GLIS3: variants seen among roughly 807,000 people sequenced by gnomAD.
GLIS3 encodes zinc finger protein GLIS3.
A neutral mutation model predicts 78.6 loss-of-function variants in GLIS3; 53 were observed. The ratio of observed to expected loss-of-function variants is 0.67; its 90% CI spans 0.54 to 0.85. GLIS3 has a LOEUF of 0.85. Ranked by LOEUF, GLIS3 falls within the 40% of genes least tolerant of loss-of-function variation. GLIS3 has a pLI of 0.00. For missense variants in GLIS3, 1,703 were observed against 1,231.1 expected, an observed-to-expected ratio of 1.38 and a Z score of -5.74; for synonymous variants, 684 against 509.9, an observed-to-expected ratio of 1.34 and a Z score of -4.60.
Position 3,824,352 on chromosome 9 carries a change from C to A in GLIS3, c.*3920G>T, listed in dbSNP as rs747590249. The A allele has an allele frequency of 6.6e-6, 1 of 152,546 alleles. No homozygotes were observed. The highest frequency in any genetic ancestry group is 6.5e-5 in the Admixed American group (1 of 15,284). The allele number at this position is 152,546 out of a possible 1,614,324, so 9.4% of individuals were successfully genotyped here. A position where few individuals can be genotyped will look rare whatever the true frequency, so the allele number is the denominator to read the frequency against. On this transcript the variant is annotated 3_prime_UTR_variant, in exon 11 of 11. Transcript: ENST00000381971. ...CATCATCTGCCTTTAATTATAATTA[C>A]CATTCCCAGTATGTAAGAGGCTGAT...
At chr9:4,062,033 G>T (rs879289818) in intron 4 of GLIS3, among the ~76,000 whole-genome samples, 2 of 152,288 alleles carry the variant, frequency 1.3e-5, no homozygotes, top group African/African-American at 4.8e-5. Context: ...ATTTCAGGCT[G>T]TCCCAGCATC....
chr9:3,949,519 G>A (rs957443803), intron 4 of GLIS3, among the ~76,000 whole-genome samples: 2 of 152,134 alleles, frequency 1.3e-5, no homozygotes, highest in Non-Finnish European at 2.9e-5. Flanking sequence ...ATCTTACAGC[G>A]AGATCCCTTT....
At position 3,844,859 on chromosome 9, in the gene GLIS3, C is replaced by T. The variant is rs566082591; in HGVS notation, c.2473+11150G>A. 5.9e-5 allele frequency among the ~76,000 whole-genome samples: 9 copies of T among 152,280 alleles called. No homozygotes were observed. In the East Asian group the frequency reaches 1.3e-3, roughly 23 times the overall value. On this transcript the variant is annotated intron_variant, in intron 9 of 10. Transcript: ENST00000381971. Reference sequence around the variant, plus strand: ...AGCTAAAGGAAAAATTAAAGCAAGTCACCAATCTTTGCTTTACAAATCGGC... The same window carrying T: ...AGCTAAAGGAAAAATTAAAGCAAGTTACCAATCTTTGCTTTACAAATCGGC...
chr9:4,142,557 A>T (rs1421746928), intron 2 of GLIS3, among the ~76,000 whole-genome samples: 1 of 152,240 alleles, frequency 6.6e-6, no homozygotes, highest in African/African-American at 2.4e-5. Context: ...GTAGCAAAAC[A>T]AAAATAACAA....
chr9:4,240,699 A>G (rs938417530), intron 2 of GLIS3, among the ~76,000 whole-genome samples: 5 of 152,228 alleles, frequency 3.3e-5, no homozygotes, highest in South Asian at 4.1e-4. Flanking sequence ...ACAACTATGT[A>G]ACATAGTCCT....
chr9:4,444,809 G>C, the GLIS3 span, among the ~76,000 whole-genome samples: 1 of 152,132 alleles, frequency 6.6e-6, no homozygotes, highest in Non-Finnish European at 1.5e-5. Context: ...TTTCAGACTT[G>C]ATTACAAAAT....
intron 2 of GLIS3, among the ~76,000 whole-genome samples, chr9:4,324,293 T>G (rs1394760199): frequency 6.6e-6 from 1 of 152,232 alleles, no homozygotes; most frequent in East Asian, 1.9e-4. Context: ...GGATGCTGAC[T>G]TTTCCTATAG....
intron 4 of GLIS3, among the ~76,000 whole-genome samples, chr9:4,036,708 A>T (rs1278690268): frequency 6.6e-6 from 1 of 152,120 alleles, no homozygotes; most frequent in African/African-American, 2.4e-5. Flanking sequence ...TTGAACTTTG[A>T]CTCCCAAATT....
At chr9:4,096,393 G>A (rs888756068) in intron 4 of GLIS3, among the ~76,000 whole-genome samples, 3 of 152,142 alleles carry the variant, frequency 2.0e-5, no homozygotes, top group South Asian at 2.1e-4. Flanking sequence ...TAACTCATAC[G>A]AAAAACAAAA....
chr9:3,910,596 C>T (rs1349280985), intron 6 of GLIS3, among the ~76,000 whole-genome samples: 1 of 152,164 alleles, frequency 6.6e-6, no homozygotes, highest in African/African-American at 2.4e-5. Flanking sequence ...AGCAATCTTC[C>T]CACTTTGGCT....
chr9:4,261,919 T>C (rs1825568687), intron 2 of GLIS3, among the ~76,000 whole-genome samples: 3 of 152,190 alleles, frequency 2.0e-5, no homozygotes, highest in African/African-American at 4.8e-5. Context: ...TACCCTGTAA[T>C]ACTGTCTCCA....
At chr9:4,172,746 A>G (rs1231648156) in intron 2 of GLIS3, among the ~76,000 whole-genome samples, 1 of 152,218 alleles carries the variant, frequency 6.6e-6, no homozygotes, top group Non-Finnish European at 1.5e-5. Context: ...TTAAATCATT[A>G]GGAAATAAAC....
chr9:4,386,918 A>C, the GLIS3 span, among the ~76,000 whole-genome samples: 1 of 152,098 alleles, frequency 6.6e-6, no homozygotes, highest in African/African-American at 2.4e-5. Context: ...TAACTGCTTC[A>C]TGCTGGCTTG....
At chr9:4,475,480 T>C in the GLIS3 span, among the ~76,000 whole-genome samples, 2 of 152,218 alleles carry the variant, frequency 1.3e-5, no homozygotes, top group Non-Finnish European at 2.9e-5. Context: ...AGCAAAATAC[T>C]GGAAACAAAC....
upstream of GLIS3, among the ~76,000 whole-genome samples, chr9:4,305,008 A>C (rs1817193129): frequency 6.6e-6 from 1 of 152,150 alleles, no homozygotes; most frequent in African/African-American, 2.4e-5. Context: ...CAGGCTGGGG[A>C]CACTGCCCCA....
intron 2 of GLIS3, among the ~76,000 whole-genome samples, chr9:4,173,515 G>A (rs1026749898): frequency 1.2e-3 from 180 of 151,096 alleles, no homozygotes; most frequent in African/African-American, 4.2e-3. Context: ...CTAATTAAAG[G>A]CAAGTGTATT....
intron 2 of GLIS3, among the ~76,000 whole-genome samples, chr9:4,208,951 C>G (rs577539562): frequency 2.0e-5 from 3 of 152,212 alleles, no homozygotes; most frequent in Non-Finnish European, 4.4e-5. Context: ...CCCAGCTTCT[C>G]TGATGGTGCA....
chr9:3,865,860 T>C (rs982797044), intron 8 of GLIS3, among the ~76,000 whole-genome samples: 1 of 152,344 alleles, frequency 6.6e-6, no homozygotes, highest in African/African-American at 2.4e-5. Context: ...GATATGTGAT[T>C]GTAATTAATC....
In GLIS3 at chr9:3,826,687, G is replaced by C. The variant is rs1039217926; in HGVS notation, c.*1585C>G. On this transcript the variant is annotated 3_prime_UTR_variant, in exon 11 of 11. Coordinates refer to ENST00000381971, the MANE Select transcript of GLIS3 (RefSeq NM_001042413.2). ...CTTGTGGGACTGTGGAGGGAGACTG[G>C]AAGGACCTGTCAGTATACAAACTGT... is the stretch of plus-strand genomic sequence containing the variant. 1 of 152,190 alleles carries C rather than the reference G, an allele frequency of 6.6e-6. No homozygotes were observed. The highest frequency in any genetic ancestry group is 6.5e-5 in the Admixed American group (1 of 15,286). 9.4% of individuals were successfully genotyped at this position (152,190 alleles called of 1,614,324 possible).
Sources: gnomAD v4.1 joint callset for allele counts (sites outside exome capture counted in the v4.1 genomes callset) on GRCh38, gnomAD v4.1.1 for gene constraint, MANE v1.5 for transcripts, NCBI Gene and HGNC (gene_info 2026-07-23, HGNC 2026-07-21) for gene names.